CDK9: variants seen among roughly 807,000 people sequenced by gnomAD.
The protein encoded by CDK9 is cyclin-dependent kinase 9.
Under a neutral mutation model 39.0 loss-of-function variants are expected in CDK9, and 34 were observed. The observed-to-expected ratio is 0.87, with a 90% CI of 0.66 to 1.16. CDK9 has a LOEUF of 1.16. CDK9 is among the 50% of genes most tolerant of loss of function. CDK9 has a pLI of 0.00. For synonymous variants in CDK9, 233 were observed against 196.2 expected (o/e 1.19, Z -1.57); for missense variants, 369 against 503.2 (o/e 0.73, Z 2.55).
Position 127,789,046 on chromosome 9 carries a change from G to A in CDK9, c.754-132G>A. On this transcript the variant is annotated intron_variant, in intron 6 of 6. Transcript: ENST00000373264. The surrounding 1 kb of genome is among the most constrained non-coding windows in gnomAD (Gnocchi z 5.2). ...CAATCCATAGCGGGCACTGCTTCTGGGAGGGGTCGAGTAGCAGTCTGGGAG... is the reference window on the plus strand; with the variant it reads ...CAATCCATAGCGGGCACTGCTTCTGAGAGGGGTCGAGTAGCAGTCTGGGAG... 2 of 1,205,242 alleles carry A rather than the reference G, an allele frequency of 1.7e-6. No homozygotes were observed. Among genetic ancestry groups the A allele is most frequent in the Non-Finnish European group, 2.3e-6 (2 of 874,706 alleles). 74.7% of individuals were successfully genotyped at this position (1,205,242 alleles called of 1,614,324 possible).
rs749983819 is a variant in CDK9 at position 127,788,098 on chromosome 9, C to T, written c.417C>T (p.Tyr139=). The change falls in exon 4 of 7, where the codon TAC becomes TAT. Residue 139 remains tyrosine, a synonymous_variant. Coordinates refer to ENST00000373264, the MANE Select transcript of CDK9 (RefSeq NM_001261.4). The part of the protein sequence containing the change: ...VMQMLLNGLY[Y]IHRNKILHRD... ...AGATGCTGCTTAACGGCCTCTACTA[C>T]ATCCACAGAAACAAGGTGGGGGCCA... 4 of 1,614,242 alleles carry T rather than the reference C, an allele frequency of 2.5e-6. No individual in the cohort carries two copies. The highest frequency in any genetic ancestry group is 2.2e-5 in the South Asian group (2 of 91,090).
intron 2 of CDK9, 142 bp downstream of exon 2, chr9:127,786,924 C>T: frequency 1.5e-6 from 1 of 669,932 alleles, no homozygotes; most frequent in Admixed American, 2.8e-5. Context: ...AATGTGGCTT[C>T]CACCCTAAAA....
chr9:127,788,614 C>T lies in CDK9; in HGVS notation c.675C>T (p.Arg225=), dbSNP rs1374090448. The T allele has an allele frequency of 2.5e-6, 4 of 1,605,732 alleles. No homozygotes were observed. Among genetic ancestry groups the T allele is most frequent in the Admixed American group, 1.7e-5 (1 of 58,612 alleles). Residue 225 remains arginine (R), a synonymous_variant, in exon 6 of 7, where the codon CGC becomes CGT. Transcript: ENST00000373264. ...AGCIMAEMWT[R]SPIMQGNTEQ... Reference sequence around the variant, plus strand: ...GCATCATGGCAGAGATGTGGACCCGCAGCCCCATCATGCAGGGCAACACGG... The same window carrying T: ...GCATCATGGCAGAGATGTGGACCCGTAGCCCCATCATGCAGGGCAACACGG...
At chr9:127,787,801 A>C (rs1829357439) in intron 3 of CDK9, 146 bp from the exon 4 acceptor site, 5 of 966,846 alleles carry the variant, frequency 5.2e-6, no homozygotes, top group Middle Eastern at 2.2e-4. Context: ...CACTCAGAAA[A>C]TATTTGACCG....
intron 1 of CDK9, 102 bp downstream of exon 1, chr9:127,786,342 C>T (rs1023047310): frequency 8.1e-6 from 8 of 993,606 alleles, no homozygotes; most frequent in African/African-American, 6.7e-5. Flanking sequence ...AGTCGTCTGT[C>T]CCCGGGCTTG....
In CDK9 at chr9:127,789,981, T is replaced by TC. The variant is rs1829398533; in HGVS notation, c.*439dup. On this transcript the variant is annotated 3_prime_UTR_variant, in exon 7 of 7. Transcript: ENST00000373264. This position sits in a 1 kb window ranked among gnomAD's most constrained non-coding sequence, Gnocchi z 5.2. ...GGGCTGGCACAAACTCTTGGTTTCT[T>TC]CAACAGGAGAATTTTACTGTGTTTC... The TC allele has an allele frequency of 6.1e-6, 1 of 162,952 alleles. No individual in the cohort carries two copies. Among genetic ancestry groups the TC allele is most frequent in the Non-Finnish European group, 1.3e-5 (1 of 75,244 alleles). 10.1% of individuals were successfully genotyped at this position (162,952 alleles called of 1,614,324 possible). A position where few individuals can be genotyped will look rare whatever the true frequency, so the allele number is the denominator to read the frequency against.
intron 2 of CDK9, among the ~76,000 whole-genome samples, chr9:127,787,299 G>A (rs746037130): frequency 7.2e-5 from 11 of 152,170 alleles, no homozygotes; most frequent in Non-Finnish European, 1.6e-4. Flanking sequence ...AGCGTTTAGT[G>A]GCTAATAGCA....
At chr9:127,787,301 C>T (rs770076570) in intron 2 of CDK9, among the ~76,000 whole-genome samples, 9 of 152,184 alleles carry the variant, frequency 5.9e-5, no homozygotes, top group Non-Finnish European at 1.3e-4. Flanking sequence ...CGTTTAGTGG[C>T]TAATAGCAAA....
chr9:127,786,309 G>GC lies in CDK9; in HGVS notation c.92+69_92+70insC, dbSNP rs1292061693. 95 of 1,277,396 alleles carry GC rather than the reference G, an allele frequency of 7.4e-5. No individual in the cohort carries two copies. The Admixed American group carries it at 1.6e-3, about 22-fold the overall frequency. The allele number at this position is 1,277,396 out of a possible 1,614,324, so 79.1% of individuals were successfully genotyped here. The stretch of plus-strand genomic sequence containing the variant: ...CCTAGGGCCGACGTCGGGATGCCCG[G>GC]GCCCCCCCCGAGTTGGTAGAGAAGT... On this transcript the variant is annotated intron_variant, in intron 1 of 6. Transcript: ENST00000373264.
rs754937212 is a variant in CDK9, at chr9:127,789,500, A to G, written c.1076A>G (p.Asn359Ser). 6.2e-7 allele frequency: 1 copy of G among 1,614,136 alleles called. No individual in the cohort carries two copies. Among genetic ancestry groups the G allele is most frequent in the Non-Finnish European group, 8.5e-7 (1 of 1,180,016 alleles). ...CAGCAGTCCACCAACCAGAGTCGCA[A>G]TCCCGCCACCACCAACCAGACGGAG... ...ITQQSTNQSR[N>S]PATTNQTEFE... The change falls in exon 7 of 7, where the codon AAT (asparagine) becomes AGT (serine). Residue 359 changes from asparagine (N) to serine (S), a missense_variant. Asn to Ser is a conservative substitution (Grantham distance 46). Coordinates refer to ENST00000373264, the MANE Select transcript of CDK9 (RefSeq NM_001261.4). This position sits in a 1 kb window ranked among gnomAD's most constrained non-coding sequence, Gnocchi z 5.2.
At position 127,786,045 on chromosome 9, in the gene CDK9, A is replaced by C. The variant is rs1829301197; in HGVS notation, c.-104A>C. The stretch of plus-strand genomic sequence containing the variant: ...GGCCGGAAGTGGCCGTGGAGGCGGA[A>C]GTGGCGCGGCCGCGGAGGGGCCTGG... On this transcript the variant is annotated 5_prime_UTR_variant, in exon 1 of 7. Coordinates refer to ENST00000373264, the MANE Select transcript of CDK9 (RefSeq NM_001261.4). The C allele has an allele frequency of 4.9e-6, 3 of 614,586 alleles. No individual in the cohort carries two copies. Among genetic ancestry groups the C allele is most frequent in the Admixed American group, 4.7e-5 (1 of 21,146 alleles). 38.1% of individuals were successfully genotyped at this position (614,586 alleles called of 1,614,324 possible). A position where few individuals can be genotyped will look rare whatever the true frequency, so the allele number is the denominator to read the frequency against.
rs1164860256 is a variant in CDK9 at position 127,786,691 on chromosome 9, C to A, written c.93-10C>A. ...CTGATGAGTTCTCGGGTCTCCCTTT[C>A]CGCCTGCAGGGAGGTGTTCAAGGCC... On this transcript the variant is annotated splice_polypyrimidine_tract_variant and intron_variant, in intron 1 of 6. Transcript: ENST00000373264. 3 of 1,612,780 alleles carry A rather than the reference C, an allele frequency of 1.9e-6. No individual in the cohort carries two copies. Among genetic ancestry groups the A allele is most frequent in the South Asian group, 1.1e-5 (1 of 90,848 alleles).
At chr9:127,787,690 C>T (rs1016794058) in intron 3 of CDK9, 82 bp downstream of exon 3, 2 of 1,067,686 alleles carry the variant, frequency 1.9e-6, no homozygotes, top group Non-Finnish European at 2.9e-6. Flanking sequence ...CACACCTAAA[C>T]TGCCTCTTCT....
Position 127,788,285 on chromosome 9 carries a change from T to A in CDK9, c.504T>A (p.Phe168Leu). 1 of 1,613,624 alleles carries A rather than the reference T, an allele frequency of 6.2e-7. No individual in the cohort carries two copies. The highest frequency in any genetic ancestry group is 8.5e-7 in the Non-Finnish European group (1 of 1,180,024). The change falls in exon 5 of 7, where the codon TTT becomes TTA. Residue 168 changes from phenylalanine (F) to leucine (L), a missense_variant. Physicochemically the swap from Phe to Leu is conservative, Grantham distance 22. Coordinates refer to ENST00000373264, the MANE Select transcript of CDK9 (RefSeq NM_001261.4). The part of the protein sequence containing the change: ...TRDGVLKLAD[F>L]GLARAFSLAK... ...ATGGGGTCCTGAAGCTGGCAGACTTTGGGCTGGCCCGGGCCTTCAGCCTGG... is the reference window on the plus strand; with the variant it reads ...ATGGGGTCCTGAAGCTGGCAGACTTAGGGCTGGCCCGGGCCTTCAGCCTGG...
rs148032528 is a variant in CDK9 at position 127,787,515 on chromosome 9, C to T, written c.175-3C>T. On this transcript the variant is annotated splice_region_variant and splice_polypyrimidine_tract_variant and intron_variant, in intron 2 of 6. Transcript: ENST00000373264. ...TGACCACTTTCCCCTCTTTCTCACC[C>T]AGTTCCCCATTACAGCCTTGCGGGA... The T allele has an allele frequency of 5.5e-5, 89 of 1,608,438 alleles. No individual in the cohort carries two copies. The East Asian group carries it at 1.9e-3, about 34-fold the overall frequency.
chr9:127,786,169 G>T lies in CDK9; in HGVS notation c.21G>T (p.Ser7=), dbSNP rs757364410. The change falls in exon 1 of 7, where the codon TCG becomes TCT. Residue 7 remains serine, a synonymous_variant. Transcript: ENST00000373264. ...CGGCCATGGCAAAGCAGTACGACTC[G>T]GTGGAGTGCCCTTTTTGTGATGAAG... is the stretch of plus-strand genomic sequence containing the variant. MAKQYD[S]VECPFCDEVS... The T allele has an allele frequency of 1.2e-6, 2 of 1,608,594 alleles. No individual in the cohort carries two copies. Among genetic ancestry groups the T allele is most frequent in the Non-Finnish European group, 1.7e-6 (2 of 1,178,062 alleles).
chr9:127,786,519 G>A (rs1449323273), intron 1 of CDK9, among the ~76,000 whole-genome samples, 182 bp from the exon 2 acceptor site: 1 of 152,236 alleles, frequency 6.6e-6, no homozygotes, highest in African/African-American at 2.4e-5. Flanking sequence ...GGGACTGAGG[G>A]AAGGAAGCAG....
chr9:127,789,715 AC>A lies in CDK9; in HGVS notation c.*174del. 1.2e-6 allele frequency: 1 copy of A among 833,746 alleles called. No homozygotes were observed. The highest frequency in any genetic ancestry group is 1.8e-6 in the Non-Finnish European group (1 of 550,044). 51.6% of individuals were successfully genotyped at this position (833,746 alleles called of 1,614,324 possible). ...ACTGGAGTGGAGCATTGGCTGAGAG[AC>A]CAGGAGGGCACTGGAGCTGTCTTGT... On this transcript the variant is annotated 3_prime_UTR_variant, in exon 7 of 7. Coordinates refer to ENST00000373264, the MANE Select transcript of CDK9 (RefSeq NM_001261.4). The surrounding 1 kb of genome is among the most constrained non-coding windows in gnomAD (Gnocchi z 5.2).
At chr9:127,786,276 C>T (rs745986749) in intron 1 of CDK9, 36 bp downstream of exon 1, 3 of 1,541,436 alleles carry the variant, frequency 1.9e-6, no homozygotes, top group Middle Eastern at 1.7e-4. Context: ...GAGCCCTGGG[C>T]CTGCACCCCT....
Sources: allele counts gnomAD v4.1 joint callset (sites outside exome capture counted in the v4.1 genomes callset), GRCh38; gene constraint gnomAD v4.1.1; non-coding constraint Gnocchi (gnomAD v3.1); transcripts MANE v1.5; gene names NCBI Gene and HGNC (gene_info 2026-07-23, HGNC 2026-07-21).